MRPL21: variants seen among roughly 807,000 people sequenced by gnomAD.
The protein encoded by MRPL21 is large ribosomal subunit protein bL21m.
MRPL21 carries 20 observed loss-of-function variants against 27.3 expected under a neutral mutation model. The ratio of observed to expected loss-of-function variants is 0.73; its 90% CI spans 0.52 to 1.06. The LOEUF is 1.06. Among genes scored for constraint, MRPL21 ranks in the 50% least tolerant of loss-of-function variants. MRPL21 has a pLI of 0.00. For synonymous variants in MRPL21, 98 were observed against 101.5 expected (o/e 0.97, Z 0.21); for missense variants, 249 against 251.4 (o/e 0.99, Z 0.06).
intron 2 of MRPL21, among the ~76,000 whole-genome samples, chr11:68,898,743 C>T (rs1468135060): frequency 6.6e-6 from 1 of 152,190 alleles, no homozygotes; most frequent in Non-Finnish European, 1.5e-5. Flanking sequence ...CTGCGGTCCC[C>T]AGCCACTTCC....
In MRPL21 at chr11:68,892,651, G is replaced by A. The variant is rs1176691193; in HGVS notation, c.553+239C>T. The A allele has an allele frequency of 4.1e-6, 6 of 1,453,370 alleles. No individual in the cohort carries two copies. The African/African-American group carries it at 7.4e-5, about 18-fold the overall frequency. 90.0% of individuals were successfully genotyped at this position (1,453,370 alleles called of 1,614,324 possible). ...GGAGCGAGGTGGGGTCACGTGCGGA[G>A]CGTGGAGGAGAAGGGGAGCGAGGTG... On this transcript the variant is annotated intron_variant, in intron 6 of 6. Coordinates refer to ENST00000362034, the MANE Select transcript of MRPL21 (RefSeq NM_181514.2).
At chr11:68,899,447 A>G (rs1481742291) in intron 2 of MRPL21, among the ~76,000 whole-genome samples, 2 of 152,130 alleles carry the variant, frequency 1.3e-5, no homozygotes, top group Non-Finnish European at 2.9e-5. Context: ...AATCTGGGAG[A>G]GGAATGAATG....
intron 4 of MRPL21, 43 bp downstream of exon 4, chr11:68,896,472 G>A (rs1857790406): frequency 6.2e-7 from 1 of 1,607,720 alleles, no homozygotes; most frequent in Non-Finnish European, 8.5e-7. Context: ...TACATACTTG[G>A]TGGCTGAGTC....
rs190359911 is a variant in MRPL21 at position 68,896,415 on chromosome 11, C to T, written c.396+100G>A. 271 of 1,437,704 alleles carry T rather than the reference C, an allele frequency of 1.9e-4. No homozygotes were observed. In the South Asian group the frequency reaches 2.4e-3, roughly 13 times the overall value. 89.1% of individuals were successfully genotyped at this position (1,437,704 alleles called of 1,614,324 possible). Reference sequence around the variant, plus strand: ...CAGCTTTGTTGGCCTCCACCTGAGACGGGGTCGGCGAGGGTCCCTCCTCCG... The same window carrying T: ...CAGCTTTGTTGGCCTCCACCTGAGATGGGGTCGGCGAGGGTCCCTCCTCCG... On this transcript the variant is annotated intron_variant, in intron 4 of 6. Coordinates refer to ENST00000362034, the MANE Select transcript of MRPL21 (RefSeq NM_181514.2).
rs1332698133 is a variant in MRPL21, at chr11:68,892,899, T to C, written c.544A>G (p.Lys182Glu). ...MRFRKRKNFKKKRIVTTPQTV... is the reference protein window; with the variant it reads ...MRFRKRKNFKEKRIVTTPQTV... ...ACTTTCTCTAACTTACTTCTTTTCT[T>C]CTTGAAGTTTTTCCTTTTCCTGAAT... is the stretch of plus-strand genomic sequence containing the variant. Residue 182 changes from lysine to glutamate, a missense_variant, in exon 6 of 7, where the codon AAG (lysine) becomes GAG (glutamate). Physicochemically the swap from Lys to Glu is moderately conservative, Grantham distance 56 (BLOSUM62 1). Coordinates refer to ENST00000362034, the MANE Select transcript of MRPL21 (RefSeq NM_181514.2). The C allele has an allele frequency of 6.2e-7, 1 of 1,612,530 alleles. No homozygotes were observed. The highest frequency in any genetic ancestry group is 2.2e-5 in the East Asian group (1 of 44,876).
intron 3 of MRPL21, 75 bp from the exon 4 acceptor site, chr11:68,896,753 CTGG>C: frequency 6.3e-7 from 1 of 1,580,592 alleles, no homozygotes; most frequent in Non-Finnish European, 8.6e-7. Context: ...TGTGCAGCTC[CTGG>C]TGGTGGGGCC....
At chr11:68,892,008 A>G (rs1857657112) in intron 6 of MRPL21, 4 of 1,039,974 alleles carry the variant, frequency 3.8e-6, no homozygotes, top group Admixed American at 7.3e-5. Context: ...TGCTTTGGGG[A>G]CAGTGCTAGG....
chr11:68,902,299 T>C (rs1857965379), intron 1 of MRPL21, among the ~76,000 whole-genome samples: 1 of 152,224 alleles, frequency 6.6e-6, no homozygotes, highest in Non-Finnish European at 1.5e-5. Flanking sequence ...CCACTGCTTT[T>C]GTAAAAACTT....
intron 6 of MRPL21, 33 bp from the exon 7 acceptor site, chr11:68,891,428 GACCC>G: frequency 6.2e-7 from 1 of 1,609,992 alleles, no homozygotes; most frequent in Non-Finnish European, 8.5e-7. Context: ...CTTGACCACA[GACCC>G]TGACTGTTGT....
chr11:68,899,041 G>A (rs1422023221), intron 2 of MRPL21, among the ~76,000 whole-genome samples: 1 of 152,100 alleles, frequency 6.6e-6, no homozygotes, highest in African/African-American at 2.4e-5. Flanking sequence ...GCCCACCTCG[G>A]CCTCCCAAAA....
rs1433101223 is a variant in MRPL21 at position 68,903,684 on chromosome 11, G to A, written c.88+39C>T. ...GGCGAGACCGCAGGGAGCAGCGCTCGCTCTGCGTCCTCCCTTCCTCCCATA... is the reference window on the plus strand; with the variant it reads ...GGCGAGACCGCAGGGAGCAGCGCTCACTCTGCGTCCTCCCTTCCTCCCATA... On this transcript the variant is annotated intron_variant, in intron 1 of 6. Transcript: ENST00000362034. 3.1e-6 allele frequency: 5 copies of A among 1,603,166 alleles called. No individual in the cohort carries two copies. The African/African-American group carries it at 4.0e-5, about 13-fold the overall frequency.
intron 6 of MRPL21, 166 bp downstream of exon 6, chr11:68,892,724 C>A: frequency 1.3e-6 from 2 of 1,534,414 alleles, no homozygotes; most frequent in Non-Finnish European, 1.7e-6. Flanking sequence ...GCTGGACCCT[C>A]TGGGTGCTCC....
chr11:68,896,759 G>C (rs1050612332), intron 3 of MRPL21, 81 bp from the exon 4 acceptor site: 2 of 1,572,462 alleles, frequency 1.3e-6, no homozygotes, highest in Admixed American at 1.7e-5. Context: ...GCTCCTGGTG[G>C]TGGGGCCCTA....
chr11:68,891,957 A>T, intron 6 of MRPL21: 2 of 700,924 alleles, frequency 2.9e-6, no homozygotes, highest in Non-Finnish European at 4.2e-6. Context: ...CTCAGTGCAG[A>T]CCTGCTAGGA....
intron 1 of MRPL21, among the ~76,000 whole-genome samples, chr11:68,903,226 T>C (rs1007793839): frequency 1.3e-5 from 2 of 152,104 alleles, no homozygotes; most frequent in Non-Finnish European, 1.5e-5. Flanking sequence ...CAAGCAGAGA[T>C]TTATAGAGTT....
intron 1 of MRPL21, 40 bp downstream of exon 1, chr11:68,903,683 C>T: frequency 6.2e-7 from 1 of 1,600,936 alleles, no homozygotes; most frequent in Non-Finnish European, 8.6e-7. Flanking sequence ...GAGCAGCGCT[C>T]GCTCTGCGTC....
At chr11:68,892,010 A>G in intron 6 of MRPL21, 1 of 1,051,044 alleles carries the variant, frequency 9.5e-7, no homozygotes, top group Non-Finnish European at 1.3e-6. Context: ...CTTTGGGGAC[A>G]GTGCTAGGCG....
intron 4 of MRPL21, 114 bp from the exon 5 acceptor site, chr11:68,893,569 T>C: frequency 7.4e-7 from 1 of 1,353,238 alleles, no homozygotes; most frequent in South Asian, 1.3e-5. Context: ...CTGAAAACAT[T>C]GTGACATGAA....
intron 1 of MRPL21, among the ~76,000 whole-genome samples, chr11:68,900,832 C>T (rs1055691892): frequency 6.6e-6 from 1 of 152,216 alleles, no homozygotes; most frequent in African/African-American, 2.4e-5. Flanking sequence ...GCGCCTGAGA[C>T]CAGAACCACC....
Sources: gnomAD v4.1 joint callset for allele counts (sites outside exome capture counted in the v4.1 genomes callset) on GRCh38, gnomAD v4.1.1 for gene constraint, MANE v1.5 for transcripts, NCBI Gene and HGNC (gene_info 2026-07-23, HGNC 2026-07-21) for gene names.